DCUN1D3: variants seen among roughly 807,000 people sequenced by gnomAD.
The protein encoded by DCUN1D3 is DCN1-like protein 3.
DCUN1D3 carries 6 observed loss-of-function variants against 24.8 expected under a neutral mutation model. The ratio of observed to expected loss-of-function variants is 0.24; its 90% CI spans 0.13 to 0.48. The LOEUF (loss-of-function observed/expected upper bound fraction) is 0.48. Ranked by LOEUF, DCUN1D3 falls within the 20% of genes least tolerant of loss-of-function variation. The pLI, the probability that DCUN1D3 is intolerant of heterozygous loss-of-function variation, is 0.99. For synonymous variants in DCUN1D3, 120 were observed against 144.9 expected (o/e 0.83, Z 1.24); for missense variants, 258 against 379.4 (o/e 0.68, Z 2.66).
intron 1 of DCUN1D3, among the ~76,000 whole-genome samples, chr16:20,883,251 G>A (rs1209804163): frequency 6.6e-6 from 1 of 152,176 alleles, no homozygotes; most frequent in Non-Finnish European, 1.5e-5. Context: ...GGTGGCTCAC[G>A]CCTGTAATCC....
intron 2 of DCUN1D3, among the ~76,000 whole-genome samples, chr16:20,861,457 G>A (rs931693000): frequency 1.3e-5 from 2 of 151,996 alleles, no homozygotes; most frequent in Non-Finnish European, 2.9e-5. Context: ...TTCATGGAGG[G>A]AGAGAGGTGT....
intron 1 of DCUN1D3, among the ~76,000 whole-genome samples, chr16:20,872,309 G>A (rs555909404): frequency 3.3e-5 from 5 of 152,240 alleles, no homozygotes; most frequent in East Asian, 1.9e-4. Flanking sequence ...CAAAGACGAC[G>A]AAGGAACACA....
chr16:20,887,337 T>G (rs894699898), intron 1 of DCUN1D3, among the ~76,000 whole-genome samples: 2 of 152,210 alleles, frequency 1.3e-5, no homozygotes, highest in Non-Finnish European at 1.5e-5. Flanking sequence ...ACAGAACTAG[T>G]AAATGAAAAG....
intron 1 of DCUN1D3, among the ~76,000 whole-genome samples, chr16:20,889,224 CA>C (rs398028978): frequency 1.5e-3 from 169 of 109,802 alleles, no homozygotes; most frequent in African/African-American, 2.4e-3. Context: ...GACTCCATCT[CA>C]AAAAAAAAAA....
At chr16:20,861,269 G>A (rs1309581902) in intron 2 of DCUN1D3, among the ~76,000 whole-genome samples, 2 of 152,176 alleles carry the variant, frequency 1.3e-5, no homozygotes, top group African/African-American at 4.8e-5. Context: ...CCTCCCCAGA[G>A]GCACTTACTA....
chr16:20,892,893 G>A (rs2081898543), intron 1 of DCUN1D3, among the ~76,000 whole-genome samples: 2 of 152,266 alleles, frequency 1.3e-5, no homozygotes, highest in South Asian at 4.1e-4. Context: ...AAACTAAGAA[G>A]CCTCTCATCC....
intron 1 of DCUN1D3, among the ~76,000 whole-genome samples, chr16:20,889,970 A>G (rs1269331205): frequency 1.3e-5 from 2 of 152,158 alleles, no homozygotes; most frequent in Non-Finnish European, 2.9e-5. Context: ...TGAAACCTCA[A>G]TCAGAACTCC....
chr16:20,870,828 C>A (rs890466537), intron 1 of DCUN1D3, among the ~76,000 whole-genome samples: 12 of 152,160 alleles, frequency 7.9e-5, no homozygotes, highest in Non-Finnish European at 1.5e-5. Context: ...TTATTTCTTC[C>A]TACATATGTC....
chr16:20,863,409 T>C (rs2081743762), intron 1 of DCUN1D3, among the ~76,000 whole-genome samples: 1 of 152,170 alleles, frequency 6.6e-6, no homozygotes, highest in Non-Finnish European at 1.5e-5. Context: ...ATAGGGCCTA[T>C]AGGCTGAGCC....
Position 20,859,737 on chromosome 16 carries a change from C to G in DCUN1D3, c.*149G>C, listed in dbSNP as rs190554178. 5 of 1,092,690 alleles carry G rather than the reference C, an allele frequency of 4.6e-6. No homozygotes were observed. Among genetic ancestry groups the G allele is most frequent in the South Asian group, 2.1e-5 (1 of 48,388 alleles). 67.7% of individuals were successfully genotyped at this position (1,092,690 alleles called of 1,614,324 possible). ...TGAAGAAAGTGCCTAAAACATGATACAGCATTTTAGAGCCCTTTCAGATAC... is the reference window on the plus strand; with the variant it reads ...TGAAGAAAGTGCCTAAAACATGATAGAGCATTTTAGAGCCCTTTCAGATAC... On this transcript the variant is annotated 3_prime_UTR_variant, in exon 3 of 3. Coordinates refer to ENST00000324344, the MANE Select transcript of DCUN1D3 (RefSeq NM_173475.4).
chr16:20,872,988 T>G (rs1218455004), intron 1 of DCUN1D3, among the ~76,000 whole-genome samples: 3 of 152,132 alleles, frequency 2.0e-5, no homozygotes, highest in Admixed American at 6.5e-5. Context: ...TGGTGGCACA[T>G]GCCTGTAATC....
rs186576794 is a variant in DCUN1D3 at position 20,893,003 on chromosome 16, G to C, written c.-106+7201C>G. On this transcript the variant is annotated intron_variant, in intron 1 of 2. Transcript: ENST00000324344. The stretch of plus-strand genomic sequence containing the variant: ...CAAAATGTTTGAGTACAGAACCCAA[G>C]AACACAGAGTCCAAACACCAAGGAT... Among the ~76,000 whole-genome samples the C allele has an allele frequency of 5.9e-5, 9 of 152,258 alleles. No homozygotes were observed. In the East Asian group the frequency reaches 1.7e-3, roughly 29 times the overall value.
rs1280063078 is a variant in DCUN1D3 at position 20,858,970 on chromosome 16, C to T, written c.*916G>A. Reference sequence around the variant, plus strand: ...CTCCAAGGCAAATGAAACAAACAAACAAAAAAAAGTATTTCCACTTACAAC... The same window carrying T: ...CTCCAAGGCAAATGAAACAAACAAATAAAAAAAAGTATTTCCACTTACAAC... On this transcript the variant is annotated 3_prime_UTR_variant, in exon 3 of 3. Transcript: ENST00000324344. The T allele has an allele frequency of 3.5e-5, 5 of 143,294 alleles. No individual in the cohort carries two copies. The highest frequency in any genetic ancestry group is 1.3e-4 in the African/African-American group (5 of 38,454). 8.9% of individuals were successfully genotyped at this position (143,294 alleles called of 1,614,324 possible).
chr16:20,891,475 C>A (rs528256055), intron 1 of DCUN1D3, among the ~76,000 whole-genome samples: 1 of 152,144 alleles, frequency 6.6e-6, no homozygotes, highest in Admixed American at 6.5e-5. Context: ...TACCAACTTC[C>A]GATTTGTCAA....
At position 20,880,276 on chromosome 16, in the gene DCUN1D3, G is replaced by A. The variant is rs150727325; in HGVS notation, c.-105-17633C>T. 1.3e-4 allele frequency among the ~76,000 whole-genome samples: 20 copies of A among 152,288 alleles called. No homozygotes were observed. In the East Asian group the frequency reaches 3.9e-3, roughly 29 times the overall value. On this transcript the variant is annotated intron_variant, in intron 1 of 2. Transcript: ENST00000324344. ...CAGCATCTTAGACTGCAAGCTCCAAGAAGACAGGGAATGTGTATGATGACA... is the reference window on the plus strand; with the variant it reads ...CAGCATCTTAGACTGCAAGCTCCAAAAAGACAGGGAATGTGTATGATGACA...
intron 1 of DCUN1D3, 141 bp from the exon 2 acceptor site, chr16:20,862,784 C>G: frequency 1.3e-6 from 1 of 747,110 alleles, no homozygotes; most frequent in South Asian, 2.5e-5. Flanking sequence ...TTCATCATCC[C>G]CTTCACAGGC....
chr16:20,875,210 G>GCACACACACACACACA (rs3222584), intron 1 of DCUN1D3, among the ~76,000 whole-genome samples: 1 of 140,344 alleles, frequency 7.1e-6, no homozygotes, highest in African/African-American at 2.6e-5. Flanking sequence ...GTGCGCTCAT[G>GCACACACACACACACA]CACACACACA....
At chr16:20,883,874 G>A (rs73530702) in intron 1 of DCUN1D3, among the ~76,000 whole-genome samples, 8,639 of 152,248 alleles carry the variant, frequency 0.057, 254 homozygotes, top group Middle Eastern at 0.13. Flanking sequence ...TCTTTGACTA[G>A]GAAAGTTTTA....
At chr16:20,867,304 A>T (rs2081767098) in intron 1 of DCUN1D3, among the ~76,000 whole-genome samples, 1 of 152,138 alleles carries the variant, frequency 6.6e-6, no homozygotes, top group East Asian at 1.9e-4. Flanking sequence ...GCAACCCCAG[A>T]GCAGCAAATC....
Sources: gnomAD v4.1 joint callset for allele counts (sites outside exome capture counted in the v4.1 genomes callset) on GRCh38, gnomAD v4.1.1 for gene constraint, MANE v1.5 for transcripts, NCBI Gene and HGNC (gene_info 2026-07-23, HGNC 2026-07-21) for gene names.